Variants in TMEM132C observed in about 807,000 individuals in gnomAD.
TMEM132C encodes the protein protein phosphatase 1, regulatory subunit 152.
Under a neutral mutation model 61.4 loss-of-function variants are expected in TMEM132C, and 29 were observed. That is an observed-to-expected ratio of 0.47 (90% confidence interval 0.35 to 0.64). TMEM132C has a LOEUF of 0.64. Ranked by LOEUF, TMEM132C falls within the 30% of genes least tolerant of loss-of-function variation. The pLI, the probability that TMEM132C is intolerant of heterozygous loss-of-function variation, is 0.00. For synonymous variants in TMEM132C, 656 were observed against 633.1 expected (o/e 1.04, Z -0.54); for missense variants, 1,408 against 1,476.9 (o/e 0.95, Z 0.76).
intron 2 of TMEM132C, among the ~76,000 whole-genome samples, chr12:128,428,446 G>T (rs1565933383): frequency 6.6e-6 from 1 of 151,998 alleles, no homozygotes. Flanking sequence ...TTTATAATAG[G>T]TGCAATAAAT....
At chr12:128,550,516 G>A (rs1232502863) in intron 3 of TMEM132C, among the ~76,000 whole-genome samples, 1 of 152,082 alleles carries the variant, frequency 6.6e-6, no homozygotes, top group Non-Finnish European at 1.5e-5. Flanking sequence ...TGTTGCCCAG[G>A]ATGGGTTCAA....
At chr12:128,672,638 A>G (rs1229858398) in intron 5 of TMEM132C, among the ~76,000 whole-genome samples, 1 of 152,228 alleles carries the variant, frequency 6.6e-6, no homozygotes, top group Non-Finnish European at 1.5e-5. Flanking sequence ...CTGGGTGAGG[A>G]CATCAGAGCA....
chr12:128,343,421 TAAA>T (rs71449345), intron 1 of TMEM132C, among the ~76,000 whole-genome samples: 52 of 136,500 alleles, frequency 3.8e-4, no homozygotes, highest in Non-Finnish European at 2.8e-4. Flanking sequence ...AGACTCAGTC[TAAA>T]AAAAAAAAAA....
chr12:128,311,729 G>A (rs776123111), intron 1 of TMEM132C, among the ~76,000 whole-genome samples: 2 of 152,188 alleles, frequency 1.3e-5, no homozygotes, highest in South Asian at 2.1e-4. Context: ...CTCACTTCAC[G>A]TCGGTCCTGG....
At chr12:128,605,180 C>T (rs1876379046) in intron 3 of TMEM132C, among the ~76,000 whole-genome samples, 1 of 151,370 alleles carries the variant, frequency 6.6e-6, no homozygotes, top group African/African-American at 2.5e-5. Flanking sequence ...TTGGCTCATG[C>T]AATTATAGAG....
chr12:128,349,235 C>T (rs193238912), intron 1 of TMEM132C, among the ~76,000 whole-genome samples: 49 of 152,288 alleles, frequency 3.2e-4, no homozygotes, highest in African/African-American at 1.1e-3. Context: ...AACTCCTGAC[C>T]TCAGTGATCC....
intron 3 of TMEM132C, among the ~76,000 whole-genome samples, chr12:128,583,987 GA>G (rs1249714519): frequency 2.0e-5 from 3 of 152,240 alleles, no homozygotes; most frequent in Non-Finnish European, 4.4e-5. Context: ...TGCTCTTCAA[GA>G]GGCAAAAAGA....
Position 128,271,270 on chromosome 12 carries a change from A to T in TMEM132C, c.85+3783A>T, listed in dbSNP as rs1353162661. 7.2e-3 allele frequency among the ~76,000 whole-genome samples: 101 copies of T among 14,116 alleles called. 1 individual carries two copies. Among genetic ancestry groups the T allele is most frequent in the South Asian group, 0.011 (10 of 946 alleles). The allele number at this position is 14,116 out of a possible 152,430, so 9.3% of individuals were successfully genotyped here. On this transcript the variant is annotated intron_variant, in intron 1 of 8. Transcript: ENST00000435159. Reference sequence around the variant, plus strand: ...CTTGGTCTCAAAATAATAATAATATAATAATAATAATAATAATAATAATAA... The same window carrying T: ...CTTGGTCTCAAAATAATAATAATATTATAATAATAATAATAATAATAATAA...
At chr12:128,336,131 T>C (rs1235472982) in intron 1 of TMEM132C, among the ~76,000 whole-genome samples, 1 of 152,230 alleles carries the variant, frequency 6.6e-6, no homozygotes, top group Non-Finnish European at 1.5e-5. Flanking sequence ...TATTGGGCAG[T>C]AAATGTTTAA....
At chr12:128,294,697 T>C (rs1871348372) in intron 1 of TMEM132C, among the ~76,000 whole-genome samples, 1 of 152,148 alleles carries the variant, frequency 6.6e-6, no homozygotes, top group East Asian at 1.9e-4. Context: ...CTTCTCCCTA[T>C]GTCCTCTCAC....
At chr12:128,371,073 G>A (rs1317453474) in intron 1 of TMEM132C, among the ~76,000 whole-genome samples, 2 of 152,008 alleles carry the variant, frequency 1.3e-5, no homozygotes, top group East Asian at 1.9e-4. Context: ...CAGGAGCCTC[G>A]TCTAACATGG....
intron 1 of TMEM132C, among the ~76,000 whole-genome samples, chr12:128,290,959 C>T (rs1352260838): frequency 1.3e-5 from 2 of 152,180 alleles, no homozygotes; most frequent in East Asian, 1.9e-4. Flanking sequence ...TATCCCACCC[C>T]TCCCAGTTGA....
chr12:128,616,366 C>A, intron 4 of TMEM132C, 31 bp downstream of exon 4: 1 of 1,530,474 alleles, frequency 6.5e-7, no homozygotes, highest in Non-Finnish European at 8.8e-7. Context: ...GATGCTCCTG[C>A]ATTCAGCCAC....
Position 128,670,264 on chromosome 12 carries a change from G to A in TMEM132C, c.1449+704G>A, listed in dbSNP as rs192409718. On this transcript the variant is annotated intron_variant, in intron 5 of 8. Transcript: ENST00000435159. ...GCAGAGGTTGCAGTGAGCTGAGATC[G>A]TGCCACTGCACTCCAGCCTGGGTGG... Among the ~76,000 whole-genome samples the A allele has an allele frequency of 3.3e-5, 5 of 152,292 alleles. No individual in the cohort carries two copies. In the East Asian group the frequency reaches 5.8e-4, roughly 18 times the overall value.
chr12:128,498,258 A>C (rs1872035994), intron 2 of TMEM132C, among the ~76,000 whole-genome samples: 1 of 152,204 alleles, frequency 6.6e-6, no homozygotes, highest in African/African-American at 2.4e-5. Flanking sequence ...GCTTCTATTC[A>C]ACATTGTACC....
chr12:128,415,399 C>T lies in TMEM132C; in HGVS notation c.753C>T (p.Ala251=). 6 of 1,550,456 alleles carry T rather than the reference C, an allele frequency of 3.9e-6. No homozygotes were observed. Among genetic ancestry groups the T allele is most frequent in the African/African-American group, 2.7e-5 (2 of 73,158 alleles). The change falls in exon 2 of 9, where the codon GCC becomes GCT. Residue 251 remains alanine (A), a synonymous_variant. Transcript: ENST00000435159. This position sits in a 1 kb window ranked among gnomAD's most constrained non-coding sequence, Gnocchi z 5.8. ...CAGGDFRKGN[A]IRPGKDGLEE... ...GGGGTGACTTCAGGAAGGGCAACGC[C>T]ATCCGTCCAGGAAAGGATGGGCTGG...
At chr12:128,275,599 T>C (rs962606464) in intron 1 of TMEM132C, among the ~76,000 whole-genome samples, 11 of 152,164 alleles carry the variant, frequency 7.2e-5, no homozygotes, top group African/African-American at 2.7e-4. Flanking sequence ...TGAATGATGC[T>C]GAAACAATCC....
intron 2 of TMEM132C, among the ~76,000 whole-genome samples, chr12:128,510,988 G>GT (rs1275656186): frequency 6.6e-6 from 1 of 152,208 alleles, no homozygotes; most frequent in African/African-American, 2.4e-5. Flanking sequence ...GCTGATAGCT[G>GT]TTCCCTTCCA....
chr12:128,583,956 G>A (rs976515949), intron 3 of TMEM132C, among the ~76,000 whole-genome samples: 10 of 152,232 alleles, frequency 6.6e-5, no homozygotes, highest in Admixed American at 2.0e-4. Context: ...ATGAGTAGGA[G>A]AAGACCTAAC....
Sources: allele counts gnomAD v4.1 joint callset (sites outside exome capture counted in the v4.1 genomes callset), GRCh38; gene constraint gnomAD v4.1.1; non-coding constraint Gnocchi (gnomAD v3.1); transcripts MANE v1.5; gene names NCBI Gene and HGNC (gene_info 2026-07-23, HGNC 2026-07-21).